Variants in RABGGTA observed in about 807,000 individuals in gnomAD.
The protein encoded by RABGGTA is geranylgeranyl transferase type-2 subunit alpha.
In RABGGTA, 69 loss-of-function variants were observed where a neutral mutation model predicts 83.3. That is an observed-to-expected ratio of 0.83 (90% CI 0.68 to 1.01). The LOEUF (loss-of-function observed/expected upper bound fraction) is 1.01, where lower values mean the gene tolerates loss of function less well. Among genes scored for constraint, RABGGTA ranks in the 50% least tolerant of loss-of-function variants. RABGGTA has a pLI of 0.00. For synonymous variants in RABGGTA, 310 were observed against 299.8 expected (o/e 1.03, Z -0.35); for missense variants, 681 against 712.7 (o/e 0.96, Z 0.51).
At chr14:24,269,823 C>T in intron 5 of RABGGTA, 129 bp from the exon 6 acceptor site, 1 of 1,436,394 alleles carries the variant, frequency 7.0e-7, no homozygotes, top group Non-Finnish European at 9.5e-7. Flanking sequence ...CATTTGGCTC[C>T]AACATCCCTT....
At chr14:24,269,893 G>T (rs1297858962) in intron 5 of RABGGTA, 60 bp downstream of exon 5, 3 of 1,575,252 alleles carry the variant, frequency 1.9e-6, no homozygotes, top group East Asian at 2.3e-5. Context: ...CCTTACTGAG[G>T]CCCCAGTACC....
chr14:24,269,406 G>C, intron 6 of RABGGTA, 85 bp downstream of exon 6: 3 of 1,442,366 alleles, frequency 2.1e-6, no homozygotes, highest in Non-Finnish European at 2.9e-6. Context: ...ATAAACCTGA[G>C]TGACAGGTTC....
Position 24,268,203 on chromosome 14 carries a change from G to C in RABGGTA, c.1059-5C>G. ...TTCTCCACTGACAGCTCACACCTGAGGGTGGGCAGGGTGGGGAGGAGTTGA... is the reference window on the plus strand; with the variant it reads ...TTCTCCACTGACAGCTCACACCTGACGGTGGGCAGGGTGGGGAGGAGTTGA... On this transcript the variant is annotated splice_polypyrimidine_tract_variant and splice_region_variant and intron_variant, in intron 11 of 16. Transcript: ENST00000216840. The C allele has an allele frequency of 1.1e-5, 18 of 1,598,810 alleles. No individual in the cohort carries two copies. The highest frequency in any genetic ancestry group is 1.5e-5 in the Non-Finnish European group (18 of 1,166,380).
chr14:24,271,511 A>C lies in RABGGTA; in HGVS notation c.-79T>G, dbSNP rs928391196. The C allele has an allele frequency of 3.4e-5, 6 of 176,474 alleles. No homozygotes were observed. In the Admixed American group the frequency reaches 3.8e-4, roughly 11 times the overall value. 10.9% of individuals were successfully genotyped at this position (176,474 alleles called of 1,614,324 possible). A position where few individuals can be genotyped will look rare whatever the true frequency, so the allele number is the denominator to read the frequency against. On this transcript the variant is annotated 5_prime_UTR_variant, in exon 1 of 17. Transcript: ENST00000216840. ...CCTGCGCTGGGAGGAGGCGCGGGGG[A>C]CGCGGAGCTGCGGCGCCCGCCACAG...
Position 24,268,370 on chromosome 14 carries a change from T to C in RABGGTA, c.1057A>G (p.Arg353Gly). ...TGTTTTGTGCTTCCCTATCACCACC[T>C]GAATAGCTGCTCGTCTGTCGTGGAG... ...RDSTTDEQLF[R>G]CELSVEKSTV... The change falls in exon 11 of 17, where the codon AGG becomes GGG. Residue 353 changes from arginine (R) to glycine (G), a missense_variant and splice_region_variant. This residue lies in a region of RABGGTA where 421 missense variants were observed against 418.5 expected (regional missense o/e 1.01). Transcript: ENST00000216840. The C allele has an allele frequency of 6.2e-7, 1 of 1,613,124 alleles. No homozygotes were observed. The highest frequency in any genetic ancestry group is 8.5e-7 in the Non-Finnish European group (1 of 1,179,876).
intron 16 of RABGGTA, among the ~76,000 whole-genome samples, chr14:24,266,199 G>C (rs778252521): frequency 6.6e-6 from 1 of 152,120 alleles, no homozygotes; most frequent in Non-Finnish European, 1.5e-5. Context: ...GAACAGCTGC[G>C]GGCTGCCCAT....
At chr14:24,269,739 G>C (rs1335678640) in intron 5 of RABGGTA, 45 bp from the exon 6 acceptor site, 23 of 1,591,720 alleles carry the variant, frequency 1.4e-5, no homozygotes, top group Non-Finnish European at 1.9e-5. Flanking sequence ...AGGGCAAGAG[G>C]AGCTACCTGG....
At chr14:24,269,853 C>T in intron 5 of RABGGTA, 100 bp downstream of exon 5, 1 of 1,476,144 alleles carries the variant, frequency 6.8e-7, no homozygotes, top group African/African-American at 1.4e-5. Context: ...GCTCAGTGGA[C>T]CCATCCTGGA....
At chr14:24,267,801 T>G (rs1594580861) in intron 13 of RABGGTA, 25 bp from the exon 14 acceptor site, 6 of 1,610,664 alleles carry the variant, frequency 3.7e-6, no homozygotes, top group Non-Finnish European at 5.1e-6. Flanking sequence ...GTGGGCAGGG[T>G]ATGCATGTCA....
At chr14:24,269,724 G>C in intron 5 of RABGGTA, 30 bp from the exon 6 acceptor site, 1 of 1,608,386 alleles carries the variant, frequency 6.2e-7, no homozygotes. Context: ...GCATATCTTA[G>C]AGGCAGGGCA....
At chr14:24,269,269 C>A in intron 6 of RABGGTA, 106 bp from the exon 7 acceptor site, 1 of 1,172,154 alleles carries the variant, frequency 8.5e-7, no homozygotes, top group Non-Finnish European at 1.2e-6. Context: ...CCCAGTCTCA[C>A]TTATATGCTG....
At chr14:24,269,320 A>T (rs1002121704) in intron 6 of RABGGTA, 157 bp from the exon 7 acceptor site, 3 of 1,051,310 alleles carry the variant, frequency 2.9e-6, no homozygotes, top group African/African-American at 3.2e-5. Context: ...TATCTTCCCC[A>T]TCAGACACTT....
intron 1 of RABGGTA, 56 bp from the exon 2 acceptor site, chr14:24,271,225 T>G (rs2040945952): frequency 2.2e-6 from 3 of 1,366,426 alleles, no homozygotes; most frequent in Non-Finnish European, 2.0e-6. Context: ...CGCCCACAGC[T>G]GTGTCCGGAA....
rs2040939481 is a variant in RABGGTA, at chr14:24,270,856, GTGGCTGAC to G, written c.87_94del (p.Gln29HisfsTer12). On this transcript the variant is annotated frameshift_variant, in exon 3 of 17. Transcript: ENST00000216840. LOFTEE classifies it high-confidence loss of function. ...CCCCACCTTCTGGAATACGGCCTGG[GTGGCTGAC>G]TGGTATAGCTTCAGCTTCTGCTCTC... 1 of 1,613,962 alleles carries G rather than the reference GTGGCTGAC, an allele frequency of 6.2e-7. No individual in the cohort carries two copies. The highest frequency in any genetic ancestry group is 8.5e-7 in the Non-Finnish European group (1 of 1,179,862).
Position 24,265,600 on chromosome 14 carries a change from A to G in RABGGTA, c.*15T>C. 6.2e-7 allele frequency: 1 copy of G among 1,612,150 alleles called. No homozygotes were observed. The highest frequency in any genetic ancestry group is 1.1e-5 in the South Asian group (1 of 90,906). On this transcript the variant is annotated 3_prime_UTR_variant, in exon 17 of 17. Coordinates refer to ENST00000216840, the MANE Select transcript of RABGGTA (RefSeq NM_182836.3). ...TCCCAATAAGTTAAAGGGCAAGGGTAGGGGGCAGGGCCTCTTAGGTGAGGA... is the reference window on the plus strand; with the variant it reads ...TCCCAATAAGTTAAAGGGCAAGGGTGGGGGGCAGGGCCTCTTAGGTGAGGA...
chr14:24,269,390 T>C (rs1009158090), intron 6 of RABGGTA, 101 bp downstream of exon 6: 1 of 1,366,648 alleles, frequency 7.3e-7, no homozygotes, highest in East Asian at 2.3e-5. Context: ...ATGAAGTAGG[T>C]GCTCAATAAA....
At position 24,270,157 on chromosome 14, in the gene RABGGTA, A is replaced by AGG. The variant is rs58050348; in HGVS notation, c.240-19_240-18dup. 278 of 1,588,830 alleles carry AGG rather than the reference A, an allele frequency of 1.7e-4. No individual in the cohort carries two copies. The highest frequency in any genetic ancestry group is 2.2e-4 in the Admixed American group (12 of 55,318). On this transcript the variant is annotated splice_polypyrimidine_tract_variant and intron_variant, in intron 4 of 16. Transcript: ENST00000216840. ...TCAGGAGACCTGTACCCAGAAGGGAAGGGGGGGGTCAGGGCTCTCCTACAG... is the reference window on the plus strand; with the variant it reads ...TCAGGAGACCTGTACCCAGAAGGGAAGGGGGGGGGGTCAGGGCTCTCCTACAG...
chr14:24,269,393 T>C, intron 6 of RABGGTA, 98 bp downstream of exon 6: 2 of 1,387,504 alleles, frequency 1.4e-6, no homozygotes, highest in Non-Finnish European at 2.0e-6. Context: ...AAGTAGGTGC[T>C]CAATAAACCT....
chr14:24,268,575 T>C lies in RABGGTA; in HGVS notation c.945A>G (p.Gln315=). Residue 315 remains glutamine (Q), a synonymous_variant, in exon 10 of 17, where the codon CAA becomes CAG. Coordinates refer to ENST00000216840, the MANE Select transcript of RABGGTA (RefSeq NM_182836.3). ...PAASLNDQLP[Q]HTFRVIWTAG... The stretch of plus-strand genomic sequence containing the variant: ...CTGTCCAAATGACGCGAAATGTATG[T>C]TGGGGCAACTGGTCGTTGAGGGAGG... 1 of 1,614,018 alleles carries C rather than the reference T, an allele frequency of 6.2e-7. No homozygotes were observed. Among genetic ancestry groups the C allele is most frequent in the Non-Finnish European group, 8.5e-7 (1 of 1,179,898 alleles).
Sources: gnomAD v4.1 joint callset for allele counts (sites outside exome capture counted in the v4.1 genomes callset) on GRCh38, gnomAD v4.1.1 for gene constraint, gnomAD v4.1.1 regional missense constraint, MANE v1.5 for transcripts, NCBI Gene and HGNC (gene_info 2026-07-23, HGNC 2026-07-21) for gene names.